Variants in PHACTR2 observed in about 807,000 individuals in gnomAD.
The protein encoded by PHACTR2 is phosphatase and actin regulator 2, also known as chromosome 6 open reading frame 56.
Under a neutral mutation model 76.0 loss-of-function variants are expected in PHACTR2, and 30 were observed. The ratio of observed to expected loss-of-function variants is 0.39; its 90% CI spans 0.30 to 0.54. PHACTR2 has a LOEUF of 0.54. Among genes scored for constraint, PHACTR2 ranks in the 20% least tolerant of loss-of-function variants. The pLI is 0.61. For synonymous variants in PHACTR2, 292 were observed against 292.5 expected (o/e 1.00, Z 0.02); for missense variants, 696 against 781.1 (o/e 0.89, Z 1.30).
rs761484213 is a variant in PHACTR2 at position 143,755,493 on chromosome 6, A to G, written c.454+1581A>G. The G allele has an allele frequency of 7.8e-6, 3 of 385,994 alleles. No individual in the cohort carries two copies. Among genetic ancestry groups the G allele is most frequent in the Admixed American group, 3.2e-5 (1 of 31,608 alleles). The allele number at this position is 385,994 out of a possible 1,614,324, so 23.9% of individuals were successfully genotyped here. On this transcript the variant is annotated intron_variant, in intron 4 of 12. Transcript: ENST00000440869. This position sits in a 1 kb window ranked among gnomAD's most constrained non-coding sequence, Gnocchi z 5.2. ...ATAATAAAAAGTTCCTGACAGTTTT[A>G]TATGAATTAACCAACAGACCTTGAT... is the stretch of plus-strand genomic sequence containing the variant.
intron 2 of PHACTR2, among the ~76,000 whole-genome samples, chr6:143,725,363 G>C (rs1346193717): frequency 6.6e-6 from 1 of 150,672 alleles, no homozygotes; most frequent in Admixed American, 6.6e-5. Flanking sequence ...ACCATACCCG[G>C]CTAATTTTTT....
chr6:143,724,928 A>C (rs1261065334), intron 2 of PHACTR2, among the ~76,000 whole-genome samples: 2 of 152,218 alleles, frequency 1.3e-5, no homozygotes, highest in African/African-American at 4.8e-5. Context: ...TCTTCTTAGA[A>C]ATAGCTGTGG....
At chr6:143,682,768 G>T (rs560304530) in intron 1 of PHACTR2, among the ~76,000 whole-genome samples, 4 of 145,234 alleles carry the variant, frequency 2.8e-5, no homozygotes, top group Admixed American at 2.7e-4. Context: ...AAAAAAAGTT[G>T]TTTTTTTGTT....
Position 143,589,802 on chromosome 6 carries a change from G to A in PHACTR2, c.217+52595G>A, listed in dbSNP as rs1775669436. ...GGGAGGGGACACAATTCAGTCCATT[G>A]CACTAATCTTATGCAAACTATTTCA... is the stretch of plus-strand genomic sequence containing the variant. On this transcript the variant is annotated intron_variant, in intron 1 of 11. Coordinates refer to the PHACTR2 transcript ENST00000367584. The surrounding 1 kb of genome is among the most constrained non-coding windows in gnomAD (Gnocchi z 4.4). 1.3e-5 allele frequency among the ~76,000 whole-genome samples: 2 copies of A among 152,162 alleles called. No individual in the cohort carries two copies. Among genetic ancestry groups the A allele is most frequent in the African/African-American group, 4.8e-5 (2 of 41,436 alleles).
rs534652421 is a variant in PHACTR2 at position 143,623,296 on chromosome 6, T to C, written c.13+14974T>C. Among the ~76,000 whole-genome samples the C allele has an allele frequency of 2.6e-5, 4 of 152,254 alleles. No homozygotes were observed. In the East Asian group the frequency reaches 7.7e-4, roughly 29 times the overall value. On this transcript the variant is annotated intron_variant, in intron 1 of 11. Transcript: ENST00000305766. This position sits in a 1 kb window ranked among gnomAD's most constrained non-coding sequence, Gnocchi z 5.9. The stretch of plus-strand genomic sequence containing the variant: ...TTTAAATTGTCCCTTGCTCTTAATA[T>C]ATGGAGAGAGAAAAAAATGTCATCA...
At position 143,610,639 on chromosome 6, in the gene PHACTR2, G is replaced by A. The variant is rs970434667; in HGVS notation, c.13+2317G>A. ...ATGGTTTCTGCTGTTAACAAGTAAA[G>A]TAAGATGAGCTGCTTGGGACTCCGG... On this transcript the variant is annotated intron_variant, in intron 1 of 11. Coordinates refer to the PHACTR2 transcript ENST00000305766. This position sits in a 1 kb window ranked among gnomAD's most constrained non-coding sequence, Gnocchi z 4.9. Among the ~76,000 whole-genome samples, 10 of 152,222 alleles carry A rather than the reference G, an allele frequency of 6.6e-5. No individual in the cohort carries two copies. Among genetic ancestry groups the A allele is most frequent in the African/African-American group, 1.7e-4 (7 of 41,458 alleles).
intron 2 of PHACTR2, among the ~76,000 whole-genome samples, chr6:143,715,834 C>T (rs1269483473): frequency 6.6e-6 from 1 of 152,234 alleles, no homozygotes; most frequent in Non-Finnish European, 1.5e-5. Flanking sequence ...TCACCATCTT[C>T]TACATTCTAT....
At chr6:143,567,693 C>G (rs1166023385) in intron 1 of PHACTR2, among the ~76,000 whole-genome samples, 1 of 152,174 alleles carries the variant, frequency 6.6e-6, no homozygotes, top group South Asian at 2.1e-4. Context: ...GCCACCGCCC[C>G]CTATCTTTGA....
At chr6:143,748,033 C>T (rs1779104831) in intron 2 of PHACTR2, among the ~76,000 whole-genome samples, 1 of 152,142 alleles carries the variant, frequency 6.6e-6, no homozygotes, top group South Asian at 2.1e-4. Flanking sequence ...TTAAGATCCC[C>T]ATGGCTTTAC....
chr6:143,608,711 T>C lies in PHACTR2; in HGVS notation c.13+389T>C, dbSNP rs1315455645. On this transcript the variant is annotated intron_variant, in intron 1 of 11. Coordinates refer to the PHACTR2 transcript ENST00000305766. The surrounding 1 kb of genome is among the most constrained non-coding windows in gnomAD (Gnocchi z 4.6). Reference sequence around the variant, plus strand: ...GAGCTGAGCAAAAATTCTGTGTAAATATTACAATATGCACAGTGTAACAGC... The same window carrying C: ...GAGCTGAGCAAAAATTCTGTGTAAACATTACAATATGCACAGTGTAACAGC... Among the ~76,000 whole-genome samples the C allele has an allele frequency of 1.3e-5, 2 of 152,238 alleles. No individual in the cohort carries two copies. Among genetic ancestry groups the C allele is most frequent in the African/African-American group, 4.8e-5 (2 of 41,450 alleles).
At position 143,583,672 on chromosome 6, in the gene PHACTR2, G is replaced by T. The variant is rs913417186; in HGVS notation, c.217+46465G>T. On this transcript the variant is annotated intron_variant, in intron 1 of 11. Transcript: ENST00000367584. The surrounding 1 kb of genome is among the most constrained non-coding windows in gnomAD (Gnocchi z 4.0). ...GTAATTTTCCCAGAACTGATAGCTT[G>T]ATTTTGCCAGTTATACACCCAAAGA... 6.6e-5 allele frequency among the ~76,000 whole-genome samples: 10 copies of T among 152,216 alleles called. No individual in the cohort carries two copies. Among genetic ancestry groups the T allele is most frequent in the African/African-American group, 2.4e-4 (10 of 41,448 alleles).
At chr6:143,717,276 C>T (rs1011795110) in intron 2 of PHACTR2, among the ~76,000 whole-genome samples, 2 of 152,178 alleles carry the variant, frequency 1.3e-5, no homozygotes, top group African/African-American at 2.4e-5. Context: ...CATGTCTCTT[C>T]CTCCTGCAGA....
chr6:143,678,041 AC>A lies in PHACTR2; in HGVS notation c.-120del. On this transcript the variant is annotated 5_prime_UTR_variant, in exon 1 of 13. Coordinates refer to ENST00000440869, the MANE Select transcript of PHACTR2 (RefSeq NM_001100164.2). The surrounding 1 kb of genome is among the most constrained non-coding windows in gnomAD (Gnocchi z 6.2). The stretch of plus-strand genomic sequence containing the variant: ...CCCGCGCGGGGTAGAAGGTGAGGGG[AC>A]CCGGCGGGCCGCTCGGCACAGGCCG... 6.6e-7 allele frequency: 1 copy of A among 1,520,132 alleles called. No homozygotes were observed. Among genetic ancestry groups the A allele is most frequent in the Non-Finnish European group, 8.8e-7 (1 of 1,130,832 alleles). The allele number at this position is 1,520,132 out of a possible 1,614,324, so 94.2% of individuals were successfully genotyped here. A position where few individuals can be genotyped will look rare whatever the true frequency, so the allele number is the denominator to read the frequency against.
At position 143,619,534 on chromosome 6, in the gene PHACTR2, G is replaced by A. The variant is rs973479656; in HGVS notation, c.13+11212G>A. ...ACTGAAGGGTACACAGTGTTGACCT[G>A]TACACAAAGAAGCATCTTTCTTTGA... On this transcript the variant is annotated intron_variant, in intron 1 of 11. Transcript: ENST00000305766. This position sits in a 1 kb window ranked among gnomAD's most constrained non-coding sequence, Gnocchi z 4.5. Among the ~76,000 whole-genome samples, 8 of 152,218 alleles carry A rather than the reference G, an allele frequency of 5.3e-5. No individual in the cohort carries two copies.
rs1376956109 is a variant in PHACTR2, at chr6:143,653,526, GA to G, written c.13+45206del. On this transcript the variant is annotated intron_variant, in intron 1 of 11. Transcript: ENST00000305766. The surrounding 1 kb of genome is among the most constrained non-coding windows in gnomAD (Gnocchi z 4.9). ...ATTTTCGGAGAGTAGTTTATATATG[GA>G]ATAAATGGAATAGAATTGAGTCCAG... 4.7e-4 allele frequency among the ~76,000 whole-genome samples: 72 copies of G among 152,030 alleles called. No homozygotes were observed. The highest frequency in any genetic ancestry group is 1.7e-3 in the African/African-American group (69 of 41,448).
chr6:143,559,135 T>C (rs759112039), intron 1 of PHACTR2, among the ~76,000 whole-genome samples: 52 of 152,208 alleles, frequency 3.4e-4, no homozygotes, highest in Non-Finnish European at 6.5e-4. Flanking sequence ...ATCAAGGCTT[T>C]CCCCTGCTAT....
rs1403036138 is a variant in PHACTR2 at position 143,648,904 on chromosome 6, GTGTC to G, written c.13+40589_13+40592del. ...TCTATGTATGTTTGTGTGTGTGTGT[GTGTC>G]TGTCTGGGTCTATGTGTATGTCTAT... On this transcript the variant is annotated intron_variant, in intron 1 of 11. Coordinates refer to the PHACTR2 transcript ENST00000305766. The surrounding 1 kb of genome is among the most constrained non-coding windows in gnomAD (Gnocchi z 6.7). Among the ~76,000 whole-genome samples, 6 of 151,284 alleles carry G rather than the reference GTGTC, an allele frequency of 4.0e-5. No homozygotes were observed. Among genetic ancestry groups the G allele is most frequent in the South Asian group, 4.2e-4 (2 of 4,768 alleles).
rs1331561742 is a variant in PHACTR2, at chr6:143,672,329, C to T, written c.14-39687C>T. Among the ~76,000 whole-genome samples, 1 of 151,720 alleles carries T rather than the reference C, an allele frequency of 6.6e-6. No individual in the cohort carries two copies. ...ACAAATAATTAGCTGGGCATGGTGG[C>T]AGGCACCCATAGTCCCAGCTACTCT... On this transcript the variant is annotated intron_variant, in intron 1 of 11. Transcript: ENST00000305766. This position sits in a 1 kb window ranked among gnomAD's most constrained non-coding sequence, Gnocchi z 5.8.
At position 143,596,504 on chromosome 6, in the gene PHACTR2, C is replaced by A. The variant is rs1775758097; in HGVS notation, c.217+59297C>A. ...AGTGGATAATATAATAGGTTTTCGA[C>A]AAGTGAATGTTTTTGAAAACACCAA... On this transcript the variant is annotated intron_variant, in intron 1 of 11. Coordinates refer to the PHACTR2 transcript ENST00000367584. This position sits in a 1 kb window ranked among gnomAD's most constrained non-coding sequence, Gnocchi z 4.6. 1.3e-5 allele frequency among the ~76,000 whole-genome samples: 2 copies of A among 152,098 alleles called. No homozygotes were observed. The highest frequency in any genetic ancestry group is 6.6e-5 in the Admixed American group (1 of 15,264).
Sources: allele counts gnomAD v4.1 joint callset (sites outside exome capture counted in the v4.1 genomes callset), GRCh38; gene constraint gnomAD v4.1.1; non-coding constraint Gnocchi (gnomAD v3.1); transcripts MANE v1.5; gene names NCBI Gene and HGNC (gene_info 2026-07-23, HGNC 2026-07-21).